Variants in ASTN1 observed in about 807,000 individuals in gnomAD.
ASTN1 encodes astrotactin-1.
ASTN1 carries 41 observed loss-of-function variants against 140.7 expected under a neutral mutation model. The observed-to-expected ratio is 0.29, with a 90% CI of 0.23 to 0.38. ASTN1 has a LOEUF of 0.38. ASTN1 is among the 10% of genes least tolerant of loss of function. The pLI, the probability that ASTN1 is intolerant of heterozygous loss-of-function variation, is 1.00. For missense variants in ASTN1, 1,479 were observed against 1,678.8 expected (o/e 0.88, Z 2.08); for synonymous variants, 640 against 652.2 (o/e 0.98, Z 0.29).
intron 2 of ASTN1, among the ~76,000 whole-genome samples, chr1:177,039,840 C>T (rs1676889433): frequency 6.6e-6 from 1 of 152,174 alleles, no homozygotes; most frequent in Admixed American, 6.6e-5. Flanking sequence ...TGCATTCTTC[C>T]TGCCCAGCAA....
At chr1:177,148,343 G>A (rs1467201142) in intron 1 of ASTN1, among the ~76,000 whole-genome samples, 13 of 151,700 alleles carry the variant, frequency 8.6e-5, no homozygotes, top group South Asian at 4.2e-4. Flanking sequence ...GCGTGAACCC[G>A]GGAGGTGGAG....
chr1:176,965,683 C>A (rs1456895335), intron 8 of ASTN1, among the ~76,000 whole-genome samples: 1 of 152,178 alleles, frequency 6.6e-6, no homozygotes, highest in Non-Finnish European at 1.5e-5. Flanking sequence ...AATTTGCTTG[C>A]CAGTCCTAAT....
chr1:177,001,193 T>C (rs1674712816), intron 8 of ASTN1, among the ~76,000 whole-genome samples: 1 of 152,244 alleles, frequency 6.6e-6, no homozygotes, highest in Admixed American at 6.5e-5. Flanking sequence ...ACATCCACTA[T>C]GTTCCAGACA....
chr1:176,937,556 T>C (rs758993076), intron 14 of ASTN1, among the ~76,000 whole-genome samples: 1 of 152,112 alleles, frequency 6.6e-6, no homozygotes, highest in African/African-American at 2.4e-5. Context: ...TTACTATAAA[T>C]ATAAATGCTA....
chr1:177,024,433 C>G (rs1411446661), intron 6 of ASTN1, 150 bp downstream of exon 6: 1 of 1,010,492 alleles, frequency 9.9e-7, no homozygotes, highest in African/African-American at 1.6e-5. Flanking sequence ...ATGGGCAATA[C>G]AATTGTATCC....
At chr1:176,922,299 T>C (rs1670760667) in intron 16 of ASTN1, among the ~76,000 whole-genome samples, 2 of 151,606 alleles carry the variant, frequency 1.3e-5, no homozygotes, top group African/African-American at 4.9e-5. Flanking sequence ...ATGCAGCCTG[T>C]GGAACCAGCC....
At chr1:177,082,332 A>G (rs777940315) in intron 1 of ASTN1, among the ~76,000 whole-genome samples, 3 of 152,128 alleles carry the variant, frequency 2.0e-5, no homozygotes, top group Non-Finnish European at 4.4e-5. Context: ...CCTCTATTAA[A>G]TGAGAGGGAT....
At chr1:177,109,155 T>C (rs183020411) in intron 1 of ASTN1, among the ~76,000 whole-genome samples, 2 of 152,314 alleles carry the variant, frequency 1.3e-5, no homozygotes, top group Admixed American at 1.3e-4. Flanking sequence ...AGACTGAGAA[T>C]ATATATAATT....
downstream of ASTN1, among the ~76,000 whole-genome samples, chr1:176,860,404 T>C (rs1433210547): frequency 2.0e-5 from 3 of 152,220 alleles, no homozygotes; most frequent in East Asian, 1.9e-4. Context: ...TCCAGGCACT[T>C]ACCACCTGAT....
Position 177,024,735 on chromosome 1 carries a change from GAA to G in ASTN1, c.1121-5_1121-4del. The G allele has an allele frequency of 6.2e-7, 1 of 1,612,472 alleles. No homozygotes were observed. Among genetic ancestry groups the G allele is most frequent in the Non-Finnish European group, 8.5e-7 (1 of 1,178,656 alleles). On this transcript the variant is annotated splice_polypyrimidine_tract_variant and splice_region_variant and intron_variant, in intron 5 of 22. Coordinates refer to ENST00000361833, the MANE Select transcript of ASTN1 (RefSeq NM_004319.3). ...CACAGGACTTCGGGGAGAACCCACT[GAA>G]AGTGAGACAAAAGCAAGATACATGG...
intron 1 of ASTN1, among the ~76,000 whole-genome samples, chr1:177,097,889 T>G (rs574424523): frequency 6.6e-6 from 1 of 152,316 alleles, no homozygotes; most frequent in Admixed American, 6.5e-5. Flanking sequence ...GCTTCCATGT[T>G]GGCAAACACA....
intron 10 of ASTN1, 102 bp downstream of exon 10, chr1:176,958,243 T>A (rs2103130578): frequency 6.4e-7 from 1 of 1,566,310 alleles, no homozygotes; most frequent in South Asian, 1.2e-5. Flanking sequence ...ATTTTTCCTT[T>A]TAGCTTGTTG....
rs140804654 is a variant in ASTN1 at position 177,151,875 on chromosome 1, A to G, written c.283+12519T>C. ...GGTGTAGAAGCAGCAGTGGAGAGAA[A>G]AAGGAAATAGCCACTCCTCCCATGT... On this transcript the variant is annotated intron_variant, in intron 1 of 22. Transcript: ENST00000361833. Among the ~76,000 whole-genome samples, 3 of 152,262 alleles carry G rather than the reference A, an allele frequency of 2.0e-5. No homozygotes were observed. The East Asian group carries it at 5.8e-4, about 29-fold the overall frequency.
intron 8 of ASTN1, among the ~76,000 whole-genome samples, chr1:176,971,695 C>T (rs1031794576): frequency 1.3e-5 from 2 of 152,162 alleles, no homozygotes; most frequent in African/African-American, 4.8e-5. Context: ...ATTTTCTGCT[C>T]ACCAGATATA....
chr1:177,000,987 G>A (rs1421441016), intron 8 of ASTN1, among the ~76,000 whole-genome samples: 2 of 152,116 alleles, frequency 1.3e-5, no homozygotes, highest in Non-Finnish European at 2.9e-5. Flanking sequence ...CTGAAATTAG[G>A]GAGGTGATTC....
intron 8 of ASTN1, among the ~76,000 whole-genome samples, chr1:177,009,239 G>T (rs1271254446): frequency 6.6e-6 from 1 of 152,150 alleles, no homozygotes; most frequent in African/African-American, 2.4e-5. Flanking sequence ...ATTGATTTTG[G>T]ATCTTTTTGA....
At position 177,142,922 on chromosome 1, in the gene ASTN1, G is replaced by C. The variant is rs115656642; in HGVS notation, c.283+21472C>G. On this transcript the variant is annotated intron_variant, in intron 1 of 22. Coordinates refer to ENST00000361833, the MANE Select transcript of ASTN1 (RefSeq NM_004319.3). ...AAAAAAAGGGGGGGAGGGGTGCTGAGTTTCAAGAGCCACAAATTATTTTAA... is the reference window on the plus strand; with the variant it reads ...AAAAAAAGGGGGGGAGGGGTGCTGACTTTCAAGAGCCACAAATTATTTTAA... Among the ~76,000 whole-genome samples, 490 of 151,048 alleles carry C rather than the reference G, an allele frequency of 3.2e-3. 4 individuals carry two copies. The highest frequency in any genetic ancestry group is 0.011 in the African/African-American group (467 of 40,734).
intron 1 of ASTN1, among the ~76,000 whole-genome samples, chr1:177,159,425 A>G (rs73032314): frequency 0.02 from 3,022 of 152,348 alleles, 108 homozygotes; most frequent in African/African-American, 0.069. Flanking sequence ...AAGAAGGAAA[A>G]GAAACATATT....
chr1:176,958,227 C>G, intron 10 of ASTN1, 118 bp downstream of exon 10: 2 of 1,504,946 alleles, frequency 1.3e-6, no homozygotes. Flanking sequence ...TGCAGGCTGC[C>G]TGCCAATTTT....
Sources: allele counts gnomAD v4.1 joint callset (sites outside exome capture counted in the v4.1 genomes callset), GRCh38; gene constraint gnomAD v4.1.1; transcripts MANE v1.5; gene names NCBI Gene and HGNC (gene_info 2026-07-23, HGNC 2026-07-21).